RETREG1: variants seen among roughly 807,000 people sequenced by gnomAD.
The protein encoded by RETREG1 is reticulophagy regulator 1.
RETREG1 carries 44 observed loss-of-function variants against 54.8 expected under a neutral mutation model. The ratio of observed to expected loss-of-function variants is 0.80; its 90% CI spans 0.63 to 1.03. The LOEUF is 1.03. Ranked by LOEUF, RETREG1 falls within the 50% of genes least tolerant of loss-of-function variation. The pLI, the probability that RETREG1 is intolerant of heterozygous loss-of-function variation, is 0.00. For missense variants in RETREG1, 554 were observed against 605.1 expected (o/e 0.92, Z 0.89); for synonymous variants, 217 against 238.5 (o/e 0.91, Z 0.83).
intron 3 of RETREG1, among the ~76,000 whole-genome samples, chr5:16,505,134 C>A (rs74452126): frequency 6.6e-6 from 1 of 152,140 alleles, no homozygotes. Context: ...GCAGCCCTAC[C>A]GCTCCGGAGT....
chr5:16,568,786 GCA>G (rs2126631067), intron 2 of RETREG1, among the ~76,000 whole-genome samples: 1 of 152,188 alleles, frequency 6.6e-6, no homozygotes, highest in South Asian at 2.1e-4. Flanking sequence ...ACAACAACAT[GCA>G]CGGGAAACAA....
At chr5:16,523,139 CCT>C (rs575626155) in intron 3 of RETREG1, among the ~76,000 whole-genome samples, 209 of 152,314 alleles carry the variant, frequency 1.4e-3, no homozygotes, top group Non-Finnish European at 1.9e-3. Context: ...CAGTTTTCCC[CCT>C]GTTAATATTT....
intron 3 of RETREG1, among the ~76,000 whole-genome samples, chr5:16,565,070 G>A (rs1224152076): frequency 6.6e-6 from 1 of 152,026 alleles, no homozygotes; most frequent in African/African-American, 2.4e-5. Flanking sequence ...TCATCTTACT[G>A]CAATATTAAT....
At chr5:16,493,312 T>C (rs1739327236) in intron 3 of RETREG1, among the ~76,000 whole-genome samples, 1 of 152,222 alleles carries the variant, frequency 6.6e-6, no homozygotes, top group South Asian at 2.1e-4. Context: ...AAGTCATTTT[T>C]CAGCGTTTTT....
At chr5:16,522,314 C>T (rs897543636) in intron 3 of RETREG1, among the ~76,000 whole-genome samples, 4 of 152,066 alleles carry the variant, frequency 2.6e-5, no homozygotes, top group Non-Finnish European at 5.9e-5. Flanking sequence ...TTCCTCATTG[C>T]CTCAGTCGCT....
At chr5:16,495,478 C>T (rs1453517035) in intron 3 of RETREG1, among the ~76,000 whole-genome samples, 1 of 152,310 alleles carries the variant, frequency 6.6e-6, no homozygotes, top group Middle Eastern at 3.4e-3. Context: ...GCCCAGGCCA[C>T]CTCTTCCCTG....
At chr5:16,586,701 C>A (rs1342160984) in intron 1 of RETREG1, among the ~76,000 whole-genome samples, 1 of 152,214 alleles carries the variant, frequency 6.6e-6, no homozygotes, top group African/African-American at 2.4e-5. Context: ...AAATATTAAA[C>A]TGAGCTTTGG....
rs781034139 is a variant in RETREG1 at position 16,565,776 on chromosome 5, T to C, written c.445A>G (p.Ser149Gly). 1 of 1,614,016 alleles carries C rather than the reference T, an allele frequency of 6.2e-7. No individual in the cohort carries two copies. The highest frequency in any genetic ancestry group is 8.5e-7 in the Non-Finnish European group (1 of 1,179,994). Residue 149 changes from serine to glycine, a missense_variant, in exon 3 of 9, where the codon AGC becomes GGC. Ser to Gly is a moderately conservative substitution (Grantham distance 56). This residue lies in a region of RETREG1 where 347 missense variants were observed against 412.3 expected (regional missense o/e 0.84). Transcript: ENST00000306320. ...AAAGTTCCCTACCTTTCACTGAGGC[T>C]TCTCCACAACTGTGCACCTGCAACA... The part of the protein sequence containing the change: ...SRTRGAQLWR[S>G]LSESWEVINS...
intron 3 of RETREG1, among the ~76,000 whole-genome samples, chr5:16,492,253 C>CAAA (rs201203055): frequency 5.0e-5 from 7 of 140,126 alleles, no homozygotes; most frequent in Non-Finnish European, 1.1e-4. Flanking sequence ...ACACACACAC[C>CAAA]ATTCTTGTTA....
chr5:16,612,000 G>A (rs1408788494), intron 1 of RETREG1, among the ~76,000 whole-genome samples: 5 of 151,848 alleles, frequency 3.3e-5, no homozygotes, highest in Non-Finnish European at 7.4e-5. Flanking sequence ...AGGAGGTGGA[G>A]GTTGCAGTGA....
intron 3 of RETREG1, among the ~76,000 whole-genome samples, chr5:16,517,894 G>C (rs1561100662): frequency 6.6e-6 from 1 of 151,848 alleles, no homozygotes; most frequent in Non-Finnish European, 1.5e-5. Flanking sequence ...ACAACCTAGA[G>C]GTCTATCAGT....
At chr5:16,484,451 G>A (rs1738938997) in intron 3 of RETREG1, among the ~76,000 whole-genome samples, 1 of 152,136 alleles carries the variant, frequency 6.6e-6, no homozygotes, top group Admixed American at 6.5e-5. Context: ...CTATGGATAT[G>A]GCAATAACAA....
At chr5:16,608,760 T>C (rs1232645500) in intron 1 of RETREG1, among the ~76,000 whole-genome samples, 2 of 152,170 alleles carry the variant, frequency 1.3e-5, no homozygotes, top group Non-Finnish European at 1.5e-5. Flanking sequence ...GGAACAAAGA[T>C]AAGGCGAGGA....
intron 1 of RETREG1, among the ~76,000 whole-genome samples, chr5:16,611,369 G>C (rs570533751): frequency 6.6e-6 from 1 of 152,078 alleles, no homozygotes; most frequent in Non-Finnish European, 1.5e-5. Flanking sequence ...AAACCTGCAC[G>C]TTGTGCACAC....
At chr5:16,614,015 C>A (rs1374849844) in intron 1 of RETREG1, among the ~76,000 whole-genome samples, 1 of 152,154 alleles carries the variant, frequency 6.6e-6, no homozygotes, top group Non-Finnish European at 1.5e-5. Context: ...ACAGGACAGT[C>A]ATTTTTGTCA....
In RETREG1 at chr5:16,539,561, C is replaced by T. The variant is rs553437435; in HGVS notation, c.458+26202G>A. On this transcript the variant is annotated intron_variant, in intron 3 of 8. Coordinates refer to ENST00000306320, the MANE Select transcript of RETREG1 (RefSeq NM_001034850.3). ...TTGCCCAGCCTCATCTCCTCCTGCT[C>T]GGCACTCTCCTCCCGCCCAGCTCCC... Among the ~76,000 whole-genome samples the T allele has an allele frequency of 2.6e-5, 4 of 152,282 alleles. No homozygotes were observed. In the South Asian group the frequency reaches 6.2e-4, roughly 24 times the overall value.
At chr5:16,577,289 G>GT (rs60991994) in intron 1 of RETREG1, among the ~76,000 whole-genome samples, 7,203 of 141,130 alleles carry the variant, frequency 0.051, 538 homozygotes, top group African/African-American at 0.17. Context: ...ACTTAGGTTT[G>GT]TTTTTTTTTT....
intron 1 of RETREG1, among the ~76,000 whole-genome samples, chr5:16,580,633 C>CA (rs1742454877): frequency 6.6e-6 from 1 of 152,112 alleles, no homozygotes; most frequent in East Asian, 1.9e-4. Flanking sequence ...TAGCCACACA[C>CA]AGGCTGTCAG....
In RETREG1 at chr5:16,500,369, G is replaced by A. The variant is rs146415377; in HGVS notation, c.459-16897C>T. On this transcript the variant is annotated intron_variant, in intron 3 of 8. Transcript: ENST00000306320. Reference sequence around the variant, plus strand: ...TAAGAAGGCAGTTTACTGGTGTGGCGGTACAAGGAGAGCAAAGAGAGAGAT... The same window carrying A: ...TAAGAAGGCAGTTTACTGGTGTGGCAGTACAAGGAGAGCAAAGAGAGAGAT... Among the ~76,000 whole-genome samples the A allele has an allele frequency of 4.2e-3, 642 of 152,192 alleles. 3 individuals carry two copies. The highest frequency in any genetic ancestry group is 6.1e-3 in the Non-Finnish European group (413 of 68,006).
Sources: gnomAD v4.1 joint callset for allele counts (sites outside exome capture counted in the v4.1 genomes callset) on GRCh38, gnomAD v4.1.1 for gene constraint, gnomAD v4.1.1 regional missense constraint, MANE v1.5 for transcripts, NCBI Gene and HGNC (gene_info 2026-07-23, HGNC 2026-07-21) for gene names.